The following MYO18B variants were observed in gnomAD, a reference collection of about 807,000 sequenced individuals.
MYO18B encodes the protein unconventional myosin-XVIIIb.
MYO18B carries 204 observed loss-of-function variants against 273.0 expected under a neutral mutation model. The ratio of observed to expected loss-of-function variants is 0.75; its 90% CI spans 0.67 to 0.84. The LOEUF is 0.84. MYO18B is among the 40% of genes least tolerant of loss of function. The pLI is 0.00. For synonymous variants in MYO18B, 1,330 were observed against 1,305.7 expected, an observed-to-expected ratio of 1.02 and a Z score of -0.40; for missense variants, 3,212 against 3,287.6, an observed-to-expected ratio of 0.98 and a Z score of 0.56.
intron 33 of MYO18B, among the ~76,000 whole-genome samples, chr22:25,913,001 A>G (rs35583346): frequency 0.013 from 2,033 of 152,232 alleles, 17 homozygotes; most frequent in East Asian, 0.033. Flanking sequence ...TCCTACTTCT[A>G]TTGGTGGGTA....
downstream of MYO18B, among the ~76,000 whole-genome samples, chr22:26,032,095 C>G (rs1045701495): frequency 1.3e-5 from 2 of 152,350 alleles, no homozygotes; most frequent in African/African-American, 2.4e-5. Flanking sequence ...TGAAATCCAT[C>G]AAGTCATGGA....
intron 42 of MYO18B, among the ~76,000 whole-genome samples, chr22:26,015,619 AG>A (rs1473190556): frequency 6.6e-6 from 1 of 152,162 alleles, no homozygotes; most frequent in Non-Finnish European, 1.5e-5. Flanking sequence ...ATGGACACAT[AG>A]AGGGGAACAA....
chr22:25,878,524 G>A lies in MYO18B; in HGVS notation c.4314+476G>A, dbSNP rs188849792. On this transcript the variant is annotated intron_variant, in intron 25 of 43. Transcript: ENST00000335473. Reference sequence around the variant, plus strand: ...AGAAGGCAAACACTCCAATAAGAACGGAAAAACAAATATGAGCCAATAATA... The same window carrying A: ...AGAAGGCAAACACTCCAATAAGAACAGAAAAACAAATATGAGCCAATAATA... Among the ~76,000 whole-genome samples the A allele has an allele frequency of 2.4e-3, 362 of 152,228 alleles. 2 individuals carry two copies. Among genetic ancestry groups the A allele is most frequent in the African/African-American group, 8.1e-3 (338 of 41,536 alleles).
chr22:26,001,079 GT>G (rs374807216), intron 40 of MYO18B, among the ~76,000 whole-genome samples: 44 of 149,370 alleles, frequency 2.9e-4, no homozygotes, highest in East Asian at 7.8e-4. Flanking sequence ...ATTCTTCACT[GT>G]TTTTTTTTTC....
chr22:25,919,712 A>G (rs1041104164), intron 33 of MYO18B, among the ~76,000 whole-genome samples: 14 of 145,464 alleles, frequency 9.6e-5, no homozygotes, highest in African/African-American at 3.6e-4. Context: ...GTGTGTGTAT[A>G]ATAGAACAGC....
At chr22:25,894,978 G>A (rs1601501894) in intron 27 of MYO18B, 178 bp from the exon 28 acceptor site, 1 of 691,948 alleles carries the variant, frequency 1.4e-6, no homozygotes, top group South Asian at 2.0e-5. Flanking sequence ...CCTGGAGGAA[G>A]CGTTATTTAA....
At chr22:25,773,323 A>C (rs1373400668) in intron 7 of MYO18B, among the ~76,000 whole-genome samples, 1 of 152,168 alleles carries the variant, frequency 6.6e-6, no homozygotes, top group East Asian at 1.9e-4. Flanking sequence ...TCCATCAACA[A>C]TAAAGATAAG....
rs146918934 is a variant in MYO18B at position 25,969,959 on chromosome 22, A to T, written c.6156+14595A>T. On this transcript the variant is annotated intron_variant, in intron 39 of 43. Transcript: ENST00000335473. ...CATCATCATCATCATTATCATCATC[A>T]TTGCCATATCATCTTCTTCATCACC... Among the ~76,000 whole-genome samples the T allele has an allele frequency of 1.3e-3, 198 of 152,106 alleles. 5 individuals are homozygous for T. The South Asian group carries it at 0.026, about 20-fold the overall frequency.
At chr22:25,745,373 G>A (rs576632133) in intron 1 of MYO18B, among the ~76,000 whole-genome samples, 2 of 152,118 alleles carry the variant, frequency 1.3e-5, no homozygotes, top group African/African-American at 2.4e-5. Context: ...GCCTCCCAAA[G>A]TGTTGGGATT....
intron 42 of MYO18B, among the ~76,000 whole-genome samples, chr22:26,019,937 G>A (rs191609810): frequency 3.3e-5 from 5 of 152,174 alleles, no homozygotes; most frequent in East Asian, 1.9e-4. Context: ...TCATTACATC[G>A]CAGTGGATCT....
chr22:25,990,252 A>T (rs914922395), intron 39 of MYO18B, among the ~76,000 whole-genome samples: 1 of 152,158 alleles, frequency 6.6e-6, no homozygotes, highest in Non-Finnish European at 1.5e-5. Flanking sequence ...GCTGACTTCC[A>T]TTGGGGAATG....
At chr22:26,062,733 G>A in the MYO18B span, among the ~76,000 whole-genome samples, 1 of 152,140 alleles carries the variant, frequency 6.6e-6, no homozygotes, top group Non-Finnish European at 1.5e-5. Flanking sequence ...CAAAGTACAT[G>A]CCATGCTGCC....
chr22:26,044,150 CT>C, the MYO18B span, among the ~76,000 whole-genome samples: 1 of 152,270 alleles, frequency 6.6e-6, no homozygotes, highest in South Asian at 2.1e-4. Context: ...CGTGATGTGT[CT>C]GTTCAGGTTT....
intron 33 of MYO18B, among the ~76,000 whole-genome samples, chr22:25,914,647 T>G (rs1348754275): frequency 6.8e-6 from 1 of 146,554 alleles, no homozygotes; most frequent in African/African-American, 2.5e-5. Flanking sequence ...TTTTCTGCCT[T>G]GACAATCTTA....
intron 21 of MYO18B, among the ~76,000 whole-genome samples, chr22:25,866,784 CAAAAAAAAAAAAAAAAAA>C: frequency 2.5e-5 from 1 of 40,190 alleles, no homozygotes; most frequent in African/African-American, 7.4e-5. Flanking sequence ...GACTCCGTCT[CAAAAAAAAAAAAAAAAAA>C]AAAAAAAAAG....
intron 31 of MYO18B, among the ~76,000 whole-genome samples, chr22:25,904,166 G>A (rs139882545): frequency 1.2e-3 from 178 of 152,260 alleles, no homozygotes; most frequent in African/African-American, 4.0e-3. Context: ...TTAAAAGTTT[G>A]CTTTATGCCT....
chr22:25,941,261 CCT>C (rs1167967320), intron 34 of MYO18B, among the ~76,000 whole-genome samples: 1 of 152,188 alleles, frequency 6.6e-6, no homozygotes, highest in Non-Finnish European at 1.5e-5. Flanking sequence ...CCTCTCCACC[CCT>C]GAGAGGCCTT....
chr22:25,954,962 G>A (rs775051393), intron 38 of MYO18B, among the ~76,000 whole-genome samples: 21 of 152,216 alleles, frequency 1.4e-4, no homozygotes, highest in Non-Finnish European at 2.6e-4. Context: ...CACATGCCTC[G>A]GCCTCCCAAA....
intron 29 of MYO18B, chr22:25,901,649 A>G (rs911893841): frequency 7.9e-5 from 12 of 152,198 alleles, no homozygotes; most frequent in African/African-American, 2.9e-4. Flanking sequence ...TATAAGCCAG[A>G]CAATATGTTA....
Sources: allele counts gnomAD v4.1 joint callset (sites outside exome capture counted in the v4.1 genomes callset), GRCh38; gene constraint gnomAD v4.1.1; transcripts MANE v1.5; gene names NCBI Gene and HGNC (gene_info 2026-07-23, HGNC 2026-07-21).